Variants in PIGN observed in about 807,000 individuals in gnomAD.
PIGN encodes the protein GPI ethanolamine phosphate transferase 1.
In PIGN, 117 loss-of-function variants were observed where a neutral mutation model predicts 125.4. The observed-to-expected ratio is 0.93, with a 90% CI of 0.80 to 1.09. The LOEUF (loss-of-function observed/expected upper bound fraction) is 1.09. PIGN is among the 50% of genes least tolerant of loss of function. The pLI is 0.00. For synonymous variants in PIGN, 392 were observed against 377.8 expected, an observed-to-expected ratio of 1.04 and a Z score of -0.44; for missense variants, 1,075 against 1,094.9, an observed-to-expected ratio of 0.98 and a Z score of 0.26.
At chr18:62,165,428 T>C (rs1007838465) in intron 1 of PIGN, among the ~76,000 whole-genome samples, 9 of 152,102 alleles carry the variant, frequency 5.9e-5, no homozygotes, top group African/African-American at 2.2e-4. Flanking sequence ...AGGATATGGG[T>C]AAAGAGGTAA....
At chr18:62,155,959 A>G (rs1437529616) in intron 6 of PIGN, among the ~76,000 whole-genome samples, 1 of 152,178 alleles carries the variant, frequency 6.6e-6, no homozygotes, top group Non-Finnish European at 1.5e-5. Context: ...AAAATTCTCA[A>G]TATATATTTT....
chr18:62,059,189 A>C (rs996522937), intron 30 of PIGN: 4 of 147,274 alleles, frequency 2.7e-5, no homozygotes, highest in Middle Eastern at 3.2e-3. Flanking sequence ...AAAAAAAAAA[A>C]AAAAAAAAAC....
At chr18:62,072,562 G>T in intron 30 of PIGN, 111 bp downstream of exon 30, 1 of 820,382 alleles carries the variant, frequency 1.2e-6, no homozygotes, top group East Asian at 2.7e-5. Flanking sequence ...ACACCATCTA[G>T]GTTTGTGTGA....
In PIGN at chr18:62,076,670, G is replaced by A. The variant is rs114526649; in HGVS notation, c.2577-1849C>T. Among the ~76,000 whole-genome samples, 147 of 152,236 alleles carry A rather than the reference G, an allele frequency of 9.7e-4. 1 individual carries two copies. Among genetic ancestry groups the A allele is most frequent in the African/African-American group, 3.4e-3 (143 of 41,536 alleles). On this transcript the variant is annotated intron_variant, in intron 28 of 30. Coordinates refer to ENST00000640252, the MANE Select transcript of PIGN (RefSeq NM_176787.5). Reference sequence around the variant, plus strand: ...GAATAAAGTGTGAGGTTTTGGTAGAGGTTTGTGACTTCTTTTTAATAAATA... The same window carrying A: ...GAATAAAGTGTGAGGTTTTGGTAGAAGTTTGTGACTTCTTTTTAATAAATA...
intron 22 of PIGN, among the ~76,000 whole-genome samples, chr18:62,097,976 G>C (rs1186830476): frequency 2.0e-5 from 3 of 152,162 alleles, no homozygotes; most frequent in South Asian, 4.1e-4. Flanking sequence ...AGACAAGTTG[G>C]GATGAAATCC....
rs1220795520 is a variant in PIGN, at chr18:62,041,640, G to GGTGTGTGTGTGTGTGTGTGTGTGT, written c.*4192_*4215dup. The stretch of plus-strand genomic sequence containing the variant: ...ATTACAGGAGCCTACCACCCCGCCG[G>GGTGTGTGTGTGTGTGTGTGTGTGT]GTGTGTGTGTGTGTGTGTGTGTGTG... On this transcript the variant is annotated 3_prime_UTR_variant, in exon 31 of 31. Coordinates refer to ENST00000640252, the MANE Select transcript of PIGN (RefSeq NM_176787.5). 3 of 77,470 alleles carry GGTGTGTGTGTGTGTGTGTGTGTGT rather than the reference G, an allele frequency of 3.9e-5. No homozygotes were observed. Among genetic ancestry groups the GGTGTGTGTGTGTGTGTGTGTGTGT allele is most frequent in the Non-Finnish European group, 7.3e-5 (3 of 40,880 alleles). The allele number at this position is 77,470 out of a possible 1,614,324, so 4.8% of individuals were successfully genotyped here. A position where few individuals can be genotyped will look rare whatever the true frequency, so the allele number is the denominator to read the frequency against.
intron 22 of PIGN, among the ~76,000 whole-genome samples, chr18:62,097,014 C>T (rs976299313): frequency 1.3e-5 from 2 of 151,942 alleles, no homozygotes; most frequent in African/African-American, 4.8e-5. Flanking sequence ...GTCTTTATAG[C>T]AGCATGTTCA....
chr18:62,085,531 G>T lies in PIGN; in HGVS notation c.2371-267C>A, dbSNP rs139949577. 1.8e-3 allele frequency among the ~76,000 whole-genome samples: 270 copies of T among 152,042 alleles called. 2 individuals carry two copies. Among genetic ancestry groups the T allele is most frequent in the African/African-American group, 6.0e-3 (248 of 41,452 alleles). On this transcript the variant is annotated intron_variant, in intron 25 of 30. Transcript: ENST00000640252. ...GTTATTTTCCTCTTCCCTAATATGA[G>T]CAAGGTGGACCATATCTGTAGTGGG...
At chr18:62,063,745 G>T (rs2032337190) in intron 30 of PIGN, among the ~76,000 whole-genome samples, 1 of 150,964 alleles carries the variant, frequency 6.6e-6, no homozygotes, top group African/African-American at 2.4e-5. Context: ...ATACTATGCA[G>T]CCATACAAAA....
intron 23 of PIGN, among the ~76,000 whole-genome samples, chr18:62,094,266 A>G (rs989563767): frequency 1.3e-5 from 2 of 152,074 alleles, no homozygotes; most frequent in African/African-American, 4.8e-5. Flanking sequence ...ATCTATTTTT[A>G]TATTTGTTTA....
chr18:62,125,098 A>G (rs2035464363), intron 14 of PIGN, among the ~76,000 whole-genome samples: 1 of 145,918 alleles, frequency 6.9e-6, no homozygotes, highest in South Asian at 2.2e-4. Context: ...ACATGTATAT[A>G]TACACGTTTG....
At chr18:62,172,277 C>G (rs1451078630) in intron 1 of PIGN, among the ~76,000 whole-genome samples, 1 of 152,118 alleles carries the variant, frequency 6.6e-6, no homozygotes, top group Admixed American at 6.5e-5. Flanking sequence ...TACCTATTAT[C>G]CCTTTTTCCT....
At chr18:62,065,483 A>G (rs1364221855) in intron 30 of PIGN, among the ~76,000 whole-genome samples, 1 of 152,200 alleles carries the variant, frequency 6.6e-6, no homozygotes, top group Non-Finnish European at 1.5e-5. Flanking sequence ...TCACGCCTGT[A>G]ATCCCAGCAC....
intron 16 of PIGN, 25 bp downstream of exon 16, chr18:62,113,109 G>C (rs775753709): frequency 1.2e-5 from 18 of 1,560,996 alleles, no homozygotes; most frequent in Non-Finnish European, 1.5e-5. Context: ...ACCATCATCT[G>C]AATCCTCACA....
At chr18:62,117,778 A>AT (rs903934633) in intron 14 of PIGN, among the ~76,000 whole-genome samples, 3 of 151,632 alleles carry the variant, frequency 2.0e-5, no homozygotes, top group African/African-American at 4.8e-5. Context: ...CATCAAAGCT[A>AT]TTTTTTTTAG....
At chr18:62,179,518 T>C (rs2147954858) in intron 1 of PIGN, among the ~76,000 whole-genome samples, 1 of 152,204 alleles carries the variant, frequency 6.6e-6, no homozygotes, top group East Asian at 1.9e-4. Context: ...CCAAGGCAGG[T>C]GGATCACTTG....
intron 29 of PIGN, 132 bp downstream of exon 29, chr18:62,074,647 G>A: frequency 1.8e-6 from 1 of 551,060 alleles, no homozygotes; most frequent in Non-Finnish European, 3.3e-6. Flanking sequence ...ATAATTTATT[G>A]TGTAAATTAT....
chr18:62,078,354 T>C (rs2033280613), intron 28 of PIGN, among the ~76,000 whole-genome samples: 1 of 152,224 alleles, frequency 6.6e-6, no homozygotes, highest in Admixed American at 6.5e-5. Context: ...CTTGAACCAT[T>C]CTGTGGAAAC....
At chr18:62,070,248 A>C (rs1381721078) in intron 30 of PIGN, 1 of 395,286 alleles carries the variant, frequency 2.5e-6, no homozygotes, top group Non-Finnish European at 4.5e-6. Flanking sequence ...TTTAAAGCCC[A>C]TGCTCTGGCC....
Sources: allele counts gnomAD v4.1 joint callset (sites outside exome capture counted in the v4.1 genomes callset), GRCh38; gene constraint gnomAD v4.1.1; transcripts MANE v1.5; gene names NCBI Gene and HGNC (gene_info 2026-07-23, HGNC 2026-07-21).